LSS: variants seen among roughly 807,000 people sequenced by gnomAD.
The protein encoded by LSS is lanosterol synthase, also known as 2,3-epoxysqualene-lanosterol cyclase.
In LSS, 90 loss-of-function variants were observed where a neutral mutation model predicts 110.3. The observed-to-expected ratio is 0.82, with a 90% confidence interval of 0.69 to 0.97. The LOEUF is 0.97. Ranked by LOEUF, LSS falls within the 50% of genes least tolerant of loss-of-function variation. The pLI, the probability that LSS is intolerant of heterozygous loss-of-function variation, is 0.00. For synonymous variants in LSS, 433 were observed against 400.0 expected (o/e 1.08, Z -0.98); for missense variants, 927 against 990.0 (o/e 0.94, Z 0.85).
rs553416053 is a variant in LSS, at chr21:46,207,958, C to T, written c.1317+293G>A. 3.9e-5 allele frequency among the ~76,000 whole-genome samples: 6 copies of T among 152,370 alleles called. No individual in the cohort carries two copies. The South Asian group carries it at 6.2e-4, about 16-fold the overall frequency. ...GTCTACTTCTTTCCTCTGCCTTCCCCGGACACACTGGCTACACTTCGGCTG... is the reference window on the plus strand; with the variant it reads ...GTCTACTTCTTTCCTCTGCCTTCCCTGGACACACTGGCTACACTTCGGCTG... On this transcript the variant is annotated intron_variant, in intron 14 of 21. Transcript: ENST00000397728.
At chr21:46,200,184 C>A (rs951320272) in intron 17 of LSS, among the ~76,000 whole-genome samples, 13 of 152,026 alleles carry the variant, frequency 8.6e-5, no homozygotes, top group African/African-American at 2.9e-4. Flanking sequence ...ATCTATGCGT[C>A]CACAGTGATA....
intron 17 of LSS, among the ~76,000 whole-genome samples, chr21:46,204,976 G>A (rs906870633): frequency 6.6e-6 from 1 of 151,580 alleles, no homozygotes; most frequent in Non-Finnish European, 1.5e-5. Flanking sequence ...ACCAAGGTGA[G>A]TCTACACCAG....
chr21:46,222,482 C>A, intron 4 of LSS, 148 bp downstream of exon 4: 1 of 652,642 alleles, frequency 1.5e-6, no homozygotes, highest in Non-Finnish European at 2.6e-6. Flanking sequence ...AGCCCACTCC[C>A]CGCCTGCTAG....
intron 3 of LSS, 28 bp from the exon 4 acceptor site, chr21:46,222,766 T>G: frequency 6.4e-7 from 1 of 1,553,446 alleles, no homozygotes; most frequent in South Asian, 1.1e-5. Flanking sequence ...TGTTCCTCAC[T>G]GGGGACAGGT....
intron 17 of LSS, among the ~76,000 whole-genome samples, chr21:46,199,955 T>G (rs796141076): frequency 2.5e-4 from 38 of 152,268 alleles, no homozygotes; most frequent in African/African-American, 8.9e-4. Flanking sequence ...GATAATAATT[T>G]ATGAATGTTG....
At chr21:46,195,306 C>T (rs1453827341) in intron 19 of LSS, among the ~76,000 whole-genome samples, 1 of 152,210 alleles carries the variant, frequency 6.6e-6, no homozygotes, top group East Asian at 1.9e-4. Flanking sequence ...ACAGGCCAGG[C>T]ACATTGGCTC....
chr21:46,217,707 C>A (rs2080225003), intron 6 of LSS, among the ~76,000 whole-genome samples: 1 of 152,214 alleles, frequency 6.6e-6, no homozygotes, highest in South Asian at 2.1e-4. Context: ...CCGACGGCCC[C>A]CCCAAGTGGG....
chr21:46,193,922 C>T lies in LSS; in HGVS notation c.1988+569G>A, dbSNP rs191307940. On this transcript the variant is annotated intron_variant, in intron 20 of 21. Transcript: ENST00000397728. ...GTCAGTGTGTGGCACAGATGGGATG[C>T]TGTGGGTGCATCTGTATGTGTGTGG... Among the ~76,000 whole-genome samples, 317 of 151,576 alleles carry T rather than the reference C, an allele frequency of 2.1e-3. 1 individual carries two copies. The highest frequency in any genetic ancestry group is 7.1e-3 in the African/African-American group (294 of 41,192).
Position 46,189,284 on chromosome 21 carries a change from TC to T in LSS, c.*1819del, listed in dbSNP as rs1335765686. ...GAGTCCCAGGGACAGCAGCCTCTGC[TC>T]AGGGCAGACTCTGTGATTCACTGTC... On this transcript the variant is annotated 3_prime_UTR_variant, in exon 22 of 22. Transcript: ENST00000397728. The T allele has an allele frequency of 4.1e-6, 1 of 243,850 alleles. No homozygotes were observed. The highest frequency in any genetic ancestry group is 2.3e-5 in the African/African-American group (1 of 43,540). 15.1% of individuals were successfully genotyped at this position (243,850 alleles called of 1,614,324 possible). A position where few individuals can be genotyped will look rare whatever the true frequency, so the allele number is the denominator to read the frequency against.
chr21:46,226,967 C>T (rs1397397923), intron 3 of LSS, among the ~76,000 whole-genome samples: 1 of 152,206 alleles, frequency 6.6e-6, no homozygotes. Context: ...TTACAAGTCA[C>T]TAGGGAAAAA....
At chr21:46,221,208 GAGGTAGACGATCAGCTTGGA>G (rs1234680470) in intron 5 of LSS, among the ~76,000 whole-genome samples, 1 of 151,946 alleles carries the variant, frequency 6.6e-6, no homozygotes, top group Non-Finnish European at 1.5e-5. Flanking sequence ...CGGGCTTGGA[GAGGTAGACGATCAGCTTGGA>G]AGGTGCAAGC....
rs1243928929 is a variant in LSS at position 46,228,585 on chromosome 21, C to T, written c.29G>A (p.Arg10Gln). The change falls in exon 2 of 22, where the codon CGA (arginine) becomes CAA (glutamine). Residue 10 changes from arginine to glutamine, a missense_variant. Transcript: ENST00000397728. MTEGTCLRR[R>Q]GGPYKTEPAT... ...GGGCTCGGTCTTGTAGGGGCCCCCT[C>T]GGCGCCGCAGACACCTGAGGACCAC... The T allele has an allele frequency of 4.4e-6, 7 of 1,591,504 alleles. No homozygotes were observed. The African/African-American group carries it at 9.4e-5, about 21-fold the overall frequency.
chr21:46,214,319 T>C (rs535442007), intron 9 of LSS, among the ~76,000 whole-genome samples: 40 of 152,344 alleles, frequency 2.6e-4, no homozygotes, highest in Non-Finnish European at 4.9e-4. Context: ...CAAGATCCAA[T>C]TGCAAGCATG....
chr21:46,205,767 G>A (rs1045047473), intron 17 of LSS, 69 bp downstream of exon 17: 18 of 1,251,512 alleles, frequency 1.4e-5, no homozygotes, highest in Non-Finnish European at 1.9e-5. Flanking sequence ...CCGTGTCACA[G>A]AATGATGCGT....
chr21:46,216,932 G>A lies in LSS; in HGVS notation c.648-408C>T, dbSNP rs1193730614. On this transcript the variant is annotated intron_variant, in intron 6 of 21. Transcript: ENST00000397728. The surrounding 1 kb of genome is among the most constrained non-coding windows in gnomAD (Gnocchi z 4.2). ...ATTGGAAACTACTCCAAAATTTAAAGTTTACTTTTAAAAGTGTATTTAAGA... is the reference window on the plus strand; with the variant it reads ...ATTGGAAACTACTCCAAAATTTAAAATTTACTTTTAAAAGTGTATTTAAGA... Among the ~76,000 whole-genome samples, 1 of 152,074 alleles carries A rather than the reference G, an allele frequency of 6.6e-6. No homozygotes were observed. The highest frequency in any genetic ancestry group is 1.5e-5 in the Non-Finnish European group (1 of 68,008).
At chr21:46,202,835 C>A (rs1477402646) in intron 17 of LSS, among the ~76,000 whole-genome samples, 2 of 152,220 alleles carry the variant, frequency 1.3e-5, no homozygotes, top group Non-Finnish European at 2.9e-5. Flanking sequence ...CATGATTTTG[C>A]TACTGCACTC....
At chr21:46,205,352 A>G (rs1474803997) in intron 17 of LSS, among the ~76,000 whole-genome samples, 2 of 152,200 alleles carry the variant, frequency 1.3e-5, no homozygotes. Context: ...GTCCACCTAG[A>G]CAAGATCCAA....
chr21:46,189,708 G>C lies in LSS; in HGVS notation c.*1396C>G, dbSNP rs1399899536. 1 of 456,732 alleles carries C rather than the reference G, an allele frequency of 2.2e-6. No homozygotes were observed. Among genetic ancestry groups the C allele is most frequent in the Admixed American group, 2.3e-5 (1 of 42,586 alleles). The allele number at this position is 456,732 out of a possible 1,614,324, so 28.3% of individuals were successfully genotyped here. The stretch of plus-strand genomic sequence containing the variant: ...CTGAGGGAGAGTGATCAGCCAGGGG[G>C]AGAGGCCAGGGACTGCTACCTGCCC... On this transcript the variant is annotated 3_prime_UTR_variant, in exon 22 of 22. Coordinates refer to ENST00000397728, the MANE Select transcript of LSS (RefSeq NM_002340.6).
intron 2 of LSS, among the ~76,000 whole-genome samples, chr21:46,228,031 G>C (rs542580700): frequency 7.9e-5 from 12 of 152,362 alleles, no homozygotes; most frequent in Admixed American, 2.0e-4. Context: ...CCAAGGGGCG[G>C]CACAGCCTTT....
Sources: gnomAD v4.1 joint callset for allele counts (sites outside exome capture counted in the v4.1 genomes callset) on GRCh38, gnomAD v4.1.1 for gene constraint, Gnocchi (gnomAD v3.1) non-coding constraint, MANE v1.5 for transcripts, NCBI Gene and HGNC (gene_info 2026-07-23, HGNC 2026-07-21) for gene names.